Variants in RAB27A observed in about 807,000 individuals in gnomAD.
RAB27A encodes the protein ras-related protein Rab-27A.
Under a neutral mutation model 20.8 loss-of-function variants are expected in RAB27A, and 17 were observed. That is an observed-to-expected ratio of 0.82 (90% CI 0.56 to 1.23). The LOEUF is 1.23. RAB27A is among the 50% of genes most tolerant of loss of function. RAB27A has a pLI of 0.00. For synonymous variants in RAB27A, 85 were observed against 92.8 expected, an observed-to-expected ratio of 0.92 and a Z score of 0.48; for missense variants, 277 against 266.7, an observed-to-expected ratio of 1.04 and a Z score of -0.27.
chr15:55,317,177 AAC>A (rs2055051452), intron 1 of RAB27A: 1 of 151,842 alleles, frequency 6.6e-6, no homozygotes, highest in Admixed American at 6.6e-5. Flanking sequence ...CATTAAAATT[AAC>A]AGTGTTAGGT....
At chr15:55,301,320 G>T (rs1474785010) in intron 2 of RAB27A, among the ~76,000 whole-genome samples, 2 of 152,068 alleles carry the variant, frequency 1.3e-5, no homozygotes, top group Admixed American at 1.3e-4. Context: ...CATTTAAAAT[G>T]ACAATTTAAA....
At chr15:55,290,372 C>CG (rs907405621), upstream of RAB27A, 8 of 152,180 alleles carry the variant, frequency 5.3e-5, no homozygotes, top group African/African-American at 1.9e-4. Flanking sequence ...ACGGCGTTTC[C>CG]GGGGCAAGGG....
chr15:55,236,164 TA>T (rs11312412), intron 2 of RAB27A, among the ~76,000 whole-genome samples: 27,832 of 146,186 alleles, frequency 0.19, 4,100 homozygotes, highest in African/African-American at 0.42. Flanking sequence ...CCTATGGAAA[TA>T]AAAAAAAAAG....
intron 2 of RAB27A, among the ~76,000 whole-genome samples, chr15:55,240,111 T>C (rs1449844010): frequency 6.6e-6 from 1 of 152,210 alleles, no homozygotes; most frequent in African/African-American, 2.4e-5. Flanking sequence ...TTTGTTCTCT[T>C]ATTTATTATT....
chr15:55,275,464 TA>T (rs1174621967), intron 1 of RAB27A, among the ~76,000 whole-genome samples: 1 of 151,086 alleles, frequency 6.6e-6, no homozygotes, highest in Non-Finnish European at 1.5e-5. Flanking sequence ...CCATCTCTAC[TA>T]AAAATACAAA....
intron 5 of RAB27A, among the ~76,000 whole-genome samples, chr15:55,224,228 T>A (rs910343756): frequency 2.0e-5 from 3 of 152,222 alleles, no homozygotes; most frequent in African/African-American, 7.2e-5. Context: ...AGTTTATTGA[T>A]ATCGGAGAGT....
chr15:55,308,754 G>C (rs985062689), intron 2 of RAB27A, among the ~76,000 whole-genome samples: 3 of 152,174 alleles, frequency 2.0e-5, no homozygotes, highest in South Asian at 4.1e-4. Context: ...TTAAGTAAAC[G>C]GTTGTCTGAC....
At chr15:55,289,541 C>T (rs1454451641) in intron 1 of RAB27A, among the ~76,000 whole-genome samples, 175 bp downstream of exon 1, 1 of 152,130 alleles carries the variant, frequency 6.6e-6, no homozygotes, top group Non-Finnish European at 1.5e-5. Context: ...CTGGGGTCTG[C>T]GCTGAGGGCC....
chr15:55,303,338 C>T (rs2054982599), intron 2 of RAB27A, among the ~76,000 whole-genome samples: 1 of 100,030 alleles, frequency 1.0e-5, no homozygotes, highest in South Asian at 3.9e-4. Flanking sequence ...CGGCCAGCCG[C>T]CCCGTCTGGG....
chr15:55,272,675 TC>T (rs1897744529), intron 1 of RAB27A, among the ~76,000 whole-genome samples: 1 of 152,226 alleles, frequency 6.6e-6, no homozygotes, highest in Non-Finnish European at 1.5e-5. Flanking sequence ...TTCTGCTGCC[TC>T]CCAAAATCTC....
intron 2 of RAB27A, chr15:55,249,050 T>A (rs780785197): frequency 1.1e-4 from 16 of 152,192 alleles, no homozygotes; most frequent in Non-Finnish European, 2.1e-4. Context: ...GAACTGACTG[T>A]TTGCATTTCT....
At chr15:55,226,407 A>C (rs1895797227) in intron 5 of RAB27A, among the ~76,000 whole-genome samples, 1 of 152,138 alleles carries the variant, frequency 6.6e-6, no homozygotes. Context: ...AGGGGAGGGT[A>C]TATAGACCTG....
At chr15:55,317,768 G>A (rs1047112905) in intron 1 of RAB27A, 5 of 398,506 alleles carry the variant, frequency 1.3e-5, no homozygotes, top group Non-Finnish European at 2.2e-5. Context: ...AAAAGCAGTT[G>A]TGCAAAAGTC....
At chr15:55,254,479 T>C (rs1422030725) in intron 2 of RAB27A, among the ~76,000 whole-genome samples, 1 of 152,030 alleles carries the variant, frequency 6.6e-6, no homozygotes, top group Non-Finnish European at 1.5e-5. Flanking sequence ...TAAAATTATT[T>C]TGTATAAAAA....
At chr15:55,249,311 G>A (rs1430090320) in intron 2 of RAB27A, among the ~76,000 whole-genome samples, 4 of 152,180 alleles carry the variant, frequency 2.6e-5, no homozygotes, top group African/African-American at 4.8e-5. Flanking sequence ...GTCTCACTCT[G>A]TCACCCAGGC....
At chr15:55,243,614 G>A (rs1208419271) in intron 2 of RAB27A, among the ~76,000 whole-genome samples, 4 of 150,832 alleles carry the variant, frequency 2.7e-5, no homozygotes, top group East Asian at 2.0e-4. Flanking sequence ...GCGACACAGC[G>A]AGACTCTATC....
chr15:55,258,856 G>A (rs117946099), intron 2 of RAB27A, among the ~76,000 whole-genome samples: 1,890 of 151,990 alleles, frequency 0.012, 26 homozygotes, highest in Non-Finnish European at 0.016. Context: ...ACAGAGTCTC[G>A]CTCCGTTGCC....
intron 6 of RAB27A, among the ~76,000 whole-genome samples, chr15:55,206,026 C>A (rs1455631445): frequency 1.3e-5 from 2 of 151,930 alleles, no homozygotes; most frequent in African/African-American, 2.4e-5. Context: ...GCCTGGCCAA[C>A]ATGCGGAAAC....
At chr15:55,313,301 G>A (rs144423200) in intron 2 of RAB27A, among the ~76,000 whole-genome samples, 43 of 152,158 alleles carry the variant, frequency 2.8e-4, no homozygotes, top group African/African-American at 9.9e-4. Context: ...AACTATAGTC[G>A]ATGAGACGAG....
Sources: gnomAD v4.1 joint callset for allele counts (sites outside exome capture counted in the v4.1 genomes callset) on GRCh38, gnomAD v4.1.1 for gene constraint, MANE v1.5 for transcripts, NCBI Gene and HGNC (gene_info 2026-07-23, HGNC 2026-07-21) for gene names.